TTC1: variants seen among roughly 807,000 people sequenced by gnomAD.
TTC1 encodes the protein tetratricopeptide repeat protein 1.
In TTC1, 31 loss-of-function variants were observed where a neutral mutation model predicts 37.6. That is an observed-to-expected ratio of 0.82 (90% CI 0.62 to 1.11). The LOEUF (loss-of-function observed/expected upper bound fraction) is 1.11, where lower values mean the gene tolerates loss of function less well. TTC1 is among the 50% of genes most tolerant of loss of function. The pLI, the probability that TTC1 is intolerant of heterozygous loss-of-function variation, is 0.00. For synonymous variants in TTC1, 127 were observed against 122.4 expected (o/e 1.04, Z -0.25); for missense variants, 351 against 339.0 (o/e 1.04, Z -0.28).
intron 2 of TTC1, among the ~76,000 whole-genome samples, chr5:160,013,964 A>G (rs186853055): frequency 1.3e-5 from 2 of 152,304 alleles, no homozygotes; most frequent in East Asian, 1.9e-4. Context: ...AATGTTCTAC[A>G]TCCTGCACCA....
In TTC1 at chr5:160,065,247, T is replaced by A; in HGVS notation, c.*182T>A. 2.3e-6 allele frequency: 2 copies of A among 862,808 alleles called. No homozygotes were observed. Among genetic ancestry groups the A allele is most frequent in the Non-Finnish European group, 3.7e-6 (2 of 535,154 alleles). The allele number at this position is 862,808 out of a possible 1,614,324, so 53.4% of individuals were successfully genotyped here. A position where few individuals can be genotyped will look rare whatever the true frequency, so the allele number is the denominator to read the frequency against. ...TCAGGGTGAAATGTACTTCCTGATGTAATGAACCTAATTTGATTTCCATTT... is the reference window on the plus strand; with the variant it reads ...TCAGGGTGAAATGTACTTCCTGATGAAATGAACCTAATTTGATTTCCATTT... On this transcript the variant is annotated 3_prime_UTR_variant, in exon 8 of 8. Coordinates refer to ENST00000231238, the MANE Select transcript of TTC1 (RefSeq NM_003314.3).
In TTC1 at chr5:160,065,281, T is replaced by G; in HGVS notation, c.*216T>G. On this transcript the variant is annotated 3_prime_UTR_variant, in exon 8 of 8. Transcript: ENST00000231238. ...TAATTTGATTTCCATTTTAAGGTGG[T>G]GTCTGTGCAGCTGGTGTCCCCGATT... 1.3e-6 allele frequency: 1 copy of G among 749,222 alleles called. No individual in the cohort carries two copies. Among genetic ancestry groups the G allele is most frequent in the Middle Eastern group, 2.3e-4 (1 of 4,368 alleles). 46.4% of individuals were successfully genotyped at this position (749,222 alleles called of 1,614,324 possible).
At chr5:160,051,290 C>G in intron 7 of TTC1, 107 bp downstream of exon 7, 1 of 845,176 alleles carries the variant, frequency 1.2e-6, no homozygotes, top group Non-Finnish European at 1.8e-6. Context: ...TCGGACTCTA[C>G]CACAAGGCTA....
At chr5:160,034,859 T>C (rs373461887) in intron 2 of TTC1, among the ~76,000 whole-genome samples, 4 of 152,234 alleles carry the variant, frequency 2.6e-5, no homozygotes, top group South Asian at 2.1e-4. Flanking sequence ...AGTGATACTG[T>C]AATTATCATT....
chr5:160,028,100 C>G (rs1302108911), intron 2 of TTC1, among the ~76,000 whole-genome samples: 1 of 152,032 alleles, frequency 6.6e-6, no homozygotes, highest in Non-Finnish European at 1.5e-5. Flanking sequence ...GAGATCGAGA[C>G]CATCCTGGCT....
chr5:160,013,654 A>G (rs527687154), intron 2 of TTC1, among the ~76,000 whole-genome samples: 2 of 151,728 alleles, frequency 1.3e-5, no homozygotes, highest in South Asian at 2.1e-4. Flanking sequence ...GCGGCAGGAG[A>G]ATCGCTTGAA....
chr5:160,013,679 G>C (rs1756542699), intron 2 of TTC1, among the ~76,000 whole-genome samples: 2 of 150,430 alleles, frequency 1.3e-5, no homozygotes, highest in South Asian at 4.2e-4. Context: ...GGAGATGGAG[G>C]TTATAGTGAG....
rs750435064 is a variant in TTC1, at chr5:160,056,731, A to AAT, written c.745+5561_745+5562dup. Among the ~76,000 whole-genome samples, 202 of 151,606 alleles carry AAT rather than the reference A, an allele frequency of 1.3e-3. 2 individuals carry two copies. The highest frequency in any genetic ancestry group is 0.01 in the Middle Eastern group (3 of 294). ...GAGTGAAACCCTGTCTCAAAAGCAA[A>AAT]ATATATATATATATCATCTTGTATG... is the stretch of plus-strand genomic sequence containing the variant. On this transcript the variant is annotated intron_variant, in intron 7 of 7. Transcript: ENST00000231238.
chr5:160,037,292 A>G (rs888153305), intron 4 of TTC1, among the ~76,000 whole-genome samples: 7 of 152,226 alleles, frequency 4.6e-5, no homozygotes, highest in African/African-American at 1.4e-4. Flanking sequence ...GTACCCTTAA[A>G]TGCAAAATAG....
chr5:160,050,991 T>C, intron 6 of TTC1, 138 bp from the exon 7 acceptor site: 1 of 568,490 alleles, frequency 1.8e-6, no homozygotes, highest in Non-Finnish European at 2.9e-6. Context: ...TTTTTTTTTA[T>C]TTAATAGGAT....
intron 7 of TTC1, among the ~76,000 whole-genome samples, chr5:160,059,621 T>A (rs1368580759): frequency 4.6e-5 from 7 of 152,314 alleles, no homozygotes; most frequent in Admixed American, 4.6e-4. Context: ...TTGTTGTGGC[T>A]TAGGGAAGAG....
chr5:160,048,574 G>T (rs768823699), intron 5 of TTC1, among the ~76,000 whole-genome samples: 3 of 152,200 alleles, frequency 2.0e-5, no homozygotes, highest in African/African-American at 4.8e-5. Flanking sequence ...TAAAGGAAAA[G>T]ATATTATGCA....
chr5:160,043,916 A>G (rs1581107313), intron 5 of TTC1, among the ~76,000 whole-genome samples: 1 of 152,132 alleles, frequency 6.6e-6, no homozygotes, highest in South Asian at 2.1e-4. Context: ...TCACCCCACT[A>G]ACTTTTATAG....
intron 2 of TTC1, among the ~76,000 whole-genome samples, chr5:160,031,350 A>C (rs1432022267): frequency 2.6e-5 from 4 of 152,096 alleles, no homozygotes; most frequent in Admixed American, 6.6e-5. Flanking sequence ...CTTAGCTCAC[A>C]CCTGTAATCC....
At chr5:160,015,186 T>C (rs1266371504) in intron 2 of TTC1, among the ~76,000 whole-genome samples, 1 of 152,162 alleles carries the variant, frequency 6.6e-6, no homozygotes, top group Non-Finnish European at 1.5e-5. Context: ...GGGCAAGTGC[T>C]GGAGATTAAG....
chr5:160,057,455 T>A lies in TTC1; in HGVS notation c.745+6272T>A, dbSNP rs997011646. Among the ~76,000 whole-genome samples the A allele has an allele frequency of 2.0e-5, 3 of 152,092 alleles. No individual in the cohort carries two copies. Among genetic ancestry groups the A allele is most frequent in the Non-Finnish European group, 4.4e-5 (3 of 68,020 alleles). On this transcript the variant is annotated intron_variant, in intron 7 of 7. Coordinates refer to ENST00000231238, the MANE Select transcript of TTC1 (RefSeq NM_003314.3). The surrounding 1 kb of genome is among the most constrained non-coding windows in gnomAD (Gnocchi z 4.4). ...AATTTTAAAATACATTATTAAAAAA[T>A]GCTGACGATGAGCCCAGCCTTTAGG...
chr5:160,064,969 T>C lies in TTC1; in HGVS notation c.783T>C (p.Pro261=), dbSNP rs1753556551. 1 of 1,613,940 alleles carries C rather than the reference T, an allele frequency of 6.2e-7. No individual in the cohort carries two copies. Among genetic ancestry groups the C allele is most frequent in the South Asian group, 1.1e-5 (1 of 91,000 alleles). Residue 261 remains proline, a synonymous_variant, in exon 8 of 8, where the codon CCT becomes CCC. Coordinates refer to ENST00000231238, the MANE Select transcript of TTC1 (RefSeq NM_003314.3). The part of the protein sequence containing the change: ...LKDLGNLVLR[P]FGLSTENFQI... ...ATCTTGGGAACTTGGTTCTCCGACC[T>C]TTTGGGCTCTCCACGGAAAATTTCC... is the stretch of plus-strand genomic sequence containing the variant.
Position 160,010,615 on chromosome 5 carries a change from T to TGGC in TTC1, c.88_90dup (p.Gly30dup). The TGGC allele has an allele frequency of 6.2e-7, 1 of 1,614,146 alleles. No homozygotes were observed. ...CAGATACTCAGGAAGCCGAGTGTGC[T>TGGC]GGCCCTCCAGTTCCTGATCCCAAAA... On this transcript the variant is annotated inframe_insertion, in exon 2 of 8. Coordinates refer to ENST00000231238, the MANE Select transcript of TTC1 (RefSeq NM_003314.3).
chr5:160,055,695 T>G (rs1757527559), intron 7 of TTC1, among the ~76,000 whole-genome samples: 1 of 152,124 alleles, frequency 6.6e-6, no homozygotes, highest in African/African-American at 2.4e-5. Context: ...CCCTGATGAG[T>G]TGAGAGACGG....
Sources: allele counts gnomAD v4.1 joint callset (sites outside exome capture counted in the v4.1 genomes callset), GRCh38; gene constraint gnomAD v4.1.1; non-coding constraint Gnocchi (gnomAD v3.1); transcripts MANE v1.5; gene names NCBI Gene and HGNC (gene_info 2026-07-23, HGNC 2026-07-21).